The following NPR1 variants were observed in gnomAD, a reference collection of about 807,000 sequenced individuals.
NPR1 encodes the protein natriuretic peptide receptor 1.
A neutral mutation model predicts 116.9 loss-of-function variants in NPR1; 57 were observed. That is an observed-to-expected ratio of 0.49 (90% CI 0.39 to 0.61). The LOEUF (loss-of-function observed/expected upper bound fraction) is 0.61, where lower values mean the gene tolerates loss of function less well. Ranked by LOEUF, NPR1 falls within the 20% of genes least tolerant of loss-of-function variation. The pLI, the probability that NPR1 is intolerant of heterozygous loss-of-function variation, is 0.00. For missense variants in NPR1, 1,096 were observed against 1,409.8 expected, an observed-to-expected ratio of 0.78 and a Z score of 3.56; for synonymous variants, 555 against 601.6, an observed-to-expected ratio of 0.92 and a Z score of 1.13.
At chr1:153,686,542 A>G (rs1410970630) in intron 10 of NPR1, 104 bp from the exon 11 acceptor site, 2 of 939,652 alleles carry the variant, frequency 2.1e-6, no homozygotes, top group Non-Finnish European at 3.4e-6. Flanking sequence ...ATGGTTGCAG[A>G]AAGTGAATAA....
chr1:153,680,765 T>C, intron 2 of NPR1, 65 bp downstream of exon 2: 1 of 1,302,010 alleles, frequency 7.7e-7, no homozygotes, highest in Admixed American at 2.3e-5. Context: ...GGGCACTGTG[T>C]CCCTCAGCGT....
chr1:153,689,830 A>G lies in NPR1; in HGVS notation c.2782A>G (p.Met928Val). The G allele has an allele frequency of 3.8e-6, 6 of 1,582,952 alleles. No individual in the cohort carries two copies. Among genetic ancestry groups the G allele is most frequent in the South Asian group, 2.3e-5 (2 of 87,766 alleles). The stretch of plus-strand genomic sequence containing the variant: ...GGTGGAGACAATTGGCGATGCCTAC[A>G]TGGTGGTGTCAGGGCTCCCTGTGCG... ...YKVETIGDAY[M>V]VVSGLPVRNG... Residue 928 changes from methionine to valine, a missense_variant, in exon 19 of 22, where the codon ATG becomes GTG. Physicochemically the swap from Met to Val is conservative, Grantham distance 21. Coordinates refer to ENST00000368680, the MANE Select transcript of NPR1 (RefSeq NM_000906.4). This position sits in a 1 kb window ranked among gnomAD's most constrained non-coding sequence, Gnocchi z 5.1.
chr1:153,689,000 A>T lies in NPR1; in HGVS notation c.2465A>T (p.Gln822Leu). ...GACAACCTGCTGTCCCGCATGGAGC[A>T]GTACGCGAACAATCTGGAGGAACTG... ...ILDNLLSRME[Q>L]YANNLEELVE... Residue 822 changes from glutamine (Q) to leucine (L), a missense_variant, in exon 16 of 22, where the codon CAG (glutamine) becomes CTG (leucine). Physicochemically the swap from Gln to Leu is moderately radical, Grantham distance 113. Transcript: ENST00000368680. 6.2e-7 allele frequency: 1 copy of T among 1,614,194 alleles called. No homozygotes were observed. Among genetic ancestry groups the T allele is most frequent in the South Asian group, 1.1e-5 (1 of 91,090 alleles).
intron 20 of NPR1, 149 bp downstream of exon 20, chr1:153,690,531 TG>T (rs1463414658): frequency 1.7e-6 from 1 of 593,918 alleles, no homozygotes; most frequent in African/African-American, 1.9e-5. Flanking sequence ...GAGTTCAACC[TG>T]GGCTCATCAA....
chr1:153,682,008 A>C (rs1669794105), intron 4 of NPR1, among the ~76,000 whole-genome samples, 169 bp downstream of exon 4: 1 of 151,862 alleles, frequency 6.6e-6, no homozygotes, highest in African/African-American at 2.4e-5. Context: ...AAAGTGTCCA[A>C]TCTCAATCAT....
chr1:153,687,418 C>G (rs2101736017), intron 13 of NPR1, 62 bp downstream of exon 13: 1 of 1,577,354 alleles, frequency 6.3e-7, no homozygotes, highest in East Asian at 2.3e-5. Flanking sequence ...GAGACTGATG[C>G]AAGGCCTCTG....
At chr1:153,690,134 C>G (rs934497267) in intron 19 of NPR1, 150 bp from the exon 20 acceptor site, 555 of 619,542 alleles carry the variant, frequency 9.0e-4, no homozygotes, top group Non-Finnish European at 1.4e-3. Flanking sequence ...CTCTCTCTCT[C>G]TCTCTCTCAC....
At chr1:153,683,896 AC>A in intron 7 of NPR1, 72 bp downstream of exon 7, 1 of 1,368,978 alleles carries the variant, frequency 7.3e-7, no homozygotes, top group Non-Finnish European at 1.0e-6. Context: ...GGCGGTGGGG[AC>A]CCAGAGGGAA....
intron 2 of NPR1, 83 bp downstream of exon 2, chr1:153,680,783 A>C (rs1480010752): frequency 8.8e-7 from 1 of 1,142,418 alleles, no homozygotes; most frequent in African/African-American, 1.6e-5. Flanking sequence ...CGTCTGAAAG[A>C]ATTCCAGAAA....
At chr1:153,690,027 G>T (rs1044065780) in intron 19 of NPR1, 47 bp downstream of exon 19, 7 of 1,440,932 alleles carry the variant, frequency 4.9e-6, no homozygotes, top group Non-Finnish European at 6.4e-6. Flanking sequence ...CCAAGGCTTC[G>T]CAAGGGAAAC....
chr1:153,691,901 G>A (rs1424895786), intron 20 of NPR1, among the ~76,000 whole-genome samples: 2 of 151,102 alleles, frequency 1.3e-5, no homozygotes, highest in Non-Finnish European at 2.9e-5. Flanking sequence ...AAAAAAAAGA[G>A]AGAAAGAAAG....
At chr1:153,683,228 C>T (rs1021904898) in intron 5 of NPR1, 148 bp from the exon 6 acceptor site, 1 of 795,808 alleles carries the variant, frequency 1.3e-6, no homozygotes, top group Non-Finnish European at 1.9e-6. Flanking sequence ...TGTCCAGTTG[C>T]AGTGGGGACT....
intron 20 of NPR1, among the ~76,000 whole-genome samples, chr1:153,692,094 A>G (rs144563919): frequency 1.3e-5 from 2 of 152,206 alleles, no homozygotes; most frequent in African/African-American, 2.4e-5. Context: ...CTCGGCCACA[A>G]AATGAGGGTA....
intron 14 of NPR1, 115 bp downstream of exon 14, chr1:153,687,904 C>A: frequency 8.1e-7 from 1 of 1,229,110 alleles, no homozygotes; most frequent in Admixed American, 2.3e-5. Flanking sequence ...GGTTCAGTCA[C>A]CACCCTTTGA....
chr1:153,680,549 T>C lies in NPR1; in HGVS notation c.770T>C (p.Leu257Pro). The C allele has an allele frequency of 1.2e-6, 2 of 1,614,220 alleles. No individual in the cohort carries two copies. The highest frequency in any genetic ancestry group is 1.7e-6 in the Non-Finnish European group (2 of 1,180,034). ...SPDAFRTLMLLALEAGLCGED... is the reference protein window; with the variant it reads ...SPDAFRTLMLPALEAGLCGED... ...GATGCCTTCAGAACCCTCATGCTCCTGGCCCTGGAAGCTGGCTTGTGTGGG... is the reference window on the plus strand; with the variant it reads ...GATGCCTTCAGAACCCTCATGCTCCCGGCCCTGGAAGCTGGCTTGTGTGGG... The change falls in exon 2 of 22, where the codon CTG (leucine) becomes CCG (proline). Residue 257 changes from leucine to proline, a missense_variant. Coordinates refer to ENST00000368680, the MANE Select transcript of NPR1 (RefSeq NM_000906.4).
At position 153,693,781 on chromosome 1, in the gene NPR1, T is replaced by A; in HGVS notation, c.*367T>A. 1 of 403,998 alleles carries A rather than the reference T, an allele frequency of 2.5e-6. No individual in the cohort carries two copies. Among genetic ancestry groups the A allele is most frequent in the Non-Finnish European group, 4.3e-6 (1 of 230,070 alleles). The allele number at this position is 403,998 out of a possible 1,614,324, so 25.0% of individuals were successfully genotyped here. A position where few individuals can be genotyped will look rare whatever the true frequency, so the allele number is the denominator to read the frequency against. On this transcript the variant is annotated 3_prime_UTR_variant, in exon 22 of 22. Coordinates refer to ENST00000368680, the MANE Select transcript of NPR1 (RefSeq NM_000906.4). ...TGTGACTTACTGGGAGGAGAAAGAG[T>A]CACCTGAAGGGGAACATGAAAAGAG...
At position 153,687,631 on chromosome 1, in the gene NPR1, C is replaced by T; in HGVS notation, c.2093-3C>T. On this transcript the variant is annotated splice_region_variant and splice_polypyrimidine_tract_variant and intron_variant, in intron 13 of 21. Transcript: ENST00000368680. ...TCGGTGACTACCGACCTCTGACCCA[C>T]AGAAAAGCTGTGGACGGCCCCTGAG... 1 of 1,575,650 alleles carries T rather than the reference C, an allele frequency of 6.3e-7. No individual in the cohort carries two copies. Among genetic ancestry groups the T allele is most frequent in the Non-Finnish European group, 8.7e-7 (1 of 1,156,050 alleles).
At chr1:153,683,711 C>G (rs747762739) in intron 6 of NPR1, 29 bp from the exon 7 acceptor site, 12 of 1,609,924 alleles carry the variant, frequency 7.5e-6, no homozygotes, top group Non-Finnish European at 9.4e-6. Context: ...CCAAATCTCT[C>G]TTGCTGCAAT....
chr1:153,684,969 T>C lies in NPR1; in HGVS notation c.1490T>C (p.Met497Thr), dbSNP rs777117129. 6.2e-7 allele frequency: 1 copy of C among 1,613,912 alleles called. No individual in the cohort carries two copies. Among genetic ancestry groups the C allele is most frequent in the Non-Finnish European group, 8.5e-7 (1 of 1,179,972 alleles). The change falls in exon 8 of 22, where the codon ATG (methionine) becomes ACG (threonine). Residue 497 changes from methionine to threonine, a missense_variant. Met to Thr is a moderately conservative substitution (Grantham distance 81). Transcript: ENST00000368680. Reference sequence around the variant, plus strand: ...ATGCAGCCTTCGTATCCCAGGAAGATGCAGCTGGAGAAGGAACTGGCCTCG... The same window carrying C: ...ATGCAGCCTTCGTATCCCAGGAAGACGCAGCTGGAGAAGGAACTGGCCTCG... ...LIVSFFIYRKMQLEKELASEL... is the reference protein window; with the variant it reads ...LIVSFFIYRKTQLEKELASEL...
Sources: gnomAD v4.1 joint callset for allele counts (sites outside exome capture counted in the v4.1 genomes callset) on GRCh38, gnomAD v4.1.1 for gene constraint, Gnocchi (gnomAD v3.1) non-coding constraint, MANE v1.5 for transcripts, NCBI Gene and HGNC (gene_info 2026-07-23, HGNC 2026-07-21) for gene names.